The following WWP1 variants were observed in gnomAD, a reference collection of about 807,000 sequenced individuals.
WWP1 encodes WW domain containing E3 ubiquitin protein ligase 1, also known as NEDD4-like E3 ubiquitin-protein ligase WWP1.
WWP1 carries 49 observed loss-of-function variants against 130.6 expected under a neutral mutation model. That is an observed-to-expected ratio of 0.38 (90% CI 0.30 to 0.48). WWP1 has a LOEUF of 0.48. Among genes scored for constraint, WWP1 ranks in the 20% least tolerant of loss-of-function variants. The pLI, the probability that WWP1 is intolerant of heterozygous loss-of-function variation, is 0.99. For missense variants in WWP1, 809 were observed against 1,100.6 expected (o/e 0.74, Z 3.75); for synonymous variants, 332 against 367.8 (o/e 0.90, Z 1.11).
intron 24 of WWP1, among the ~76,000 whole-genome samples, chr8:86,466,446 T>C (rs1264836500): frequency 6.6e-6 from 1 of 151,908 alleles, no homozygotes; most frequent in Non-Finnish European, 1.5e-5. Context: ...GATGAATGAG[T>C]GACTGAGTGG....
At chr8:86,427,607 G>A in intron 10 of WWP1, 36 bp from the exon 11 acceptor site, 2 of 1,509,804 alleles carry the variant, frequency 1.3e-6, no homozygotes, top group African/African-American at 1.4e-5. Flanking sequence ...TTCTTATATT[G>A]AGAGATTATT....
At chr8:86,411,354 AAAAAT>A (rs1330597822) in intron 8 of WWP1, among the ~76,000 whole-genome samples, 179 bp from the exon 9 acceptor site, 1 of 152,302 alleles carries the variant, frequency 6.6e-6, no homozygotes, top group South Asian at 2.1e-4. Flanking sequence ...TTTGAGCAAC[AAAAAT>A]AAAATCTCCA....
At chr8:86,457,332 A>G (rs934674066) in intron 21 of WWP1, among the ~76,000 whole-genome samples, 5 of 152,056 alleles carry the variant, frequency 3.3e-5, no homozygotes, top group African/African-American at 1.2e-4. Context: ...TATATAAGAT[A>G]GCATAGATTT....
intron 10 of WWP1, among the ~76,000 whole-genome samples, chr8:86,425,942 C>G (rs1026964495): frequency 1.3e-5 from 2 of 152,092 alleles, no homozygotes; most frequent in African/African-American, 4.8e-5. Flanking sequence ...TTCATTTACT[C>G]ACACATTCTA....
rs1812241633 is a variant in WWP1 at position 86,467,488 on chromosome 8, C to G, written c.*595C>G. On this transcript the variant is annotated 3_prime_UTR_variant, in exon 25 of 25. Transcript: ENST00000517970. ...AAATACAATAGTTGAAAATTTTTCT[C>G]TGTTACATCAGTAATATTGTTAAAG... The G allele has an allele frequency of 6.6e-6, 1 of 151,884 alleles. No individual in the cohort carries two copies. Among genetic ancestry groups the G allele is most frequent in the African/African-American group, 2.4e-5 (1 of 41,168 alleles). The allele number at this position is 151,884 out of a possible 1,614,324, so 9.4% of individuals were successfully genotyped here.
At chr8:86,392,906 A>C (rs917962879) in intron 5 of WWP1, among the ~76,000 whole-genome samples, 13 of 152,196 alleles carry the variant, frequency 8.5e-5, no homozygotes, top group Non-Finnish European at 1.9e-4. Flanking sequence ...GTTTTCTGGA[A>C]GTTCAGCTGC....
chr8:86,411,474 T>C, intron 8 of WWP1, 64 bp from the exon 9 acceptor site: 2 of 1,425,516 alleles, frequency 1.4e-6, no homozygotes, highest in South Asian at 2.6e-5. Flanking sequence ...TGTAGTCAAT[T>C]GATTAGGTAA....
At chr8:86,414,915 C>G in intron 9 of WWP1, among the ~76,000 whole-genome samples, 1 of 109,266 alleles carries the variant, frequency 9.2e-6, no homozygotes, top group Non-Finnish European at 1.7e-5. Flanking sequence ...CCCTAAATAG[C>G]GATTAGGCAA....
At chr8:86,441,893 C>G (rs1331104846) in intron 17 of WWP1, among the ~76,000 whole-genome samples, 1 of 152,060 alleles carries the variant, frequency 6.6e-6, no homozygotes, top group Admixed American at 6.6e-5. Context: ...TGAAAAGAAC[C>G]TTTTAGAGAT....
intron 5 of WWP1, chr8:86,386,790 C>A (rs1453912465): frequency 6.6e-6 from 1 of 152,116 alleles, no homozygotes; most frequent in African/African-American, 2.4e-5. Flanking sequence ...TAACAAAATA[C>A]CTGAGACTAG....
At chr8:86,383,432 A>T (rs146784863) in intron 5 of WWP1, among the ~76,000 whole-genome samples, 421 of 152,286 alleles carry the variant, frequency 2.8e-3, no homozygotes, top group African/African-American at 9.6e-3. Flanking sequence ...TGAAGCCCTC[A>T]CGAATTGTAT....
intron 24 of WWP1, among the ~76,000 whole-genome samples, chr8:86,463,317 GT>G (rs1294944371): frequency 6.6e-6 from 1 of 151,636 alleles, no homozygotes; most frequent in East Asian, 1.9e-4. Flanking sequence ...TTGTTTTTTT[GT>G]TTTTTTGAGA....
At chr8:86,426,428 A>G (rs988375369) in intron 10 of WWP1, among the ~76,000 whole-genome samples, 1 of 152,202 alleles carries the variant, frequency 6.6e-6, no homozygotes, top group Non-Finnish European at 1.5e-5. Flanking sequence ...TTAATGACAA[A>G]AATTGGTTTA....
At chr8:86,361,838 A>G (rs555723788) in intron 1 of WWP1, among the ~76,000 whole-genome samples, 7 of 151,968 alleles carry the variant, frequency 4.6e-5, no homozygotes, top group East Asian at 1.9e-4. Flanking sequence ...CTTTCTGTCA[A>G]TGAACTTAAA....
rs533669482 is a variant in WWP1 at position 86,452,420 on chromosome 8, A to T, written c.2274-139A>T. 1.7e-4 allele frequency: 121 copies of T among 699,070 alleles called. 1 individual carries two copies. The South Asian group carries it at 2.0e-3, about 12-fold the overall frequency. 43.3% of individuals were successfully genotyped at this position (699,070 alleles called of 1,614,324 possible). On this transcript the variant is annotated intron_variant, in intron 20 of 24. Coordinates refer to ENST00000517970, the MANE Select transcript of WWP1 (RefSeq NM_007013.4). ...TCTAAAATTATATGTATTCATACAT[A>T]TACACACACATCACATTTATATGTT...
chr8:86,348,356 T>C (rs1038317403), intron 1 of WWP1, among the ~76,000 whole-genome samples: 3 of 152,084 alleles, frequency 2.0e-5, no homozygotes, highest in African/African-American at 7.2e-5. Context: ...GTAGTTGGGA[T>C]TGCAGGCATG....
At chr8:86,418,197 T>A (rs551788871) in intron 9 of WWP1, among the ~76,000 whole-genome samples, 2 of 152,196 alleles carry the variant, frequency 1.3e-5, no homozygotes, top group Non-Finnish European at 2.9e-5. Context: ...ATTAAACTCC[T>A]TGTCTGTGTG....
chr8:86,465,017 TTC>T (rs1409938707), intron 24 of WWP1, among the ~76,000 whole-genome samples: 1 of 152,154 alleles, frequency 6.6e-6, no homozygotes, highest in Non-Finnish European at 1.5e-5. Context: ...ACCCACTGAT[TTC>T]TGTTTTCTCA....
intron 20 of WWP1, among the ~76,000 whole-genome samples, chr8:86,449,623 G>A (rs1811065933): frequency 6.6e-6 from 1 of 152,234 alleles, no homozygotes. Context: ...GTGAACTACA[G>A]ATGACGCATC....
Sources: allele counts gnomAD v4.1 joint callset (sites outside exome capture counted in the v4.1 genomes callset), GRCh38; gene constraint gnomAD v4.1.1; transcripts MANE v1.5; gene names NCBI Gene and HGNC (gene_info 2026-07-23, HGNC 2026-07-21).